ARFGEF1: variants seen among roughly 807,000 people sequenced by gnomAD.
ARFGEF1 encodes the protein ARF guanine nucleotide exchange factor 1, also known as brefeldin A-inhibited guanine nucleotide-exchange protein 1.
In ARFGEF1, 42 loss-of-function variants were observed where a neutral mutation model predicts 231.0. The ratio of observed to expected loss-of-function variants is 0.18; its 90% CI spans 0.14 to 0.24. The LOEUF (loss-of-function observed/expected upper bound fraction) is 0.24, where lower values mean the gene tolerates loss of function less well. Among genes scored for constraint, ARFGEF1 ranks in the 10% least tolerant of loss-of-function variants. ARFGEF1 has a pLI of 1.00. For missense variants in ARFGEF1, 1,345 were observed against 2,192.0 expected, an observed-to-expected ratio of 0.61 and a Z score of 7.72; for synonymous variants, 710 against 732.3, an observed-to-expected ratio of 0.97 and a Z score of 0.49.
chr8:67,295,393 A>G (rs186110364), intron 5 of ARFGEF1, among the ~76,000 whole-genome samples: 128 of 152,318 alleles, frequency 8.4e-4, no homozygotes, highest in Middle Eastern at 6.8e-3. Context: ...ATCAAGGTTA[A>G]CATCACCAAC....
intron 1 of ARFGEF1, among the ~76,000 whole-genome samples, chr8:67,329,290 C>T (rs912437099): frequency 7.3e-5 from 11 of 151,560 alleles, no homozygotes; most frequent in South Asian, 4.2e-4. Context: ...CAGTGGCTCA[C>T]GCCTGTAATC....
At chr8:67,193,880 A>C (rs987379639), downstream of ARFGEF1, among the ~76,000 whole-genome samples, 2 of 152,278 alleles carry the variant, frequency 1.3e-5, no homozygotes, top group East Asian at 3.8e-4. Flanking sequence ...GCTTTCAGCA[A>C]AGAAAATGCT....
At chr8:67,310,193 A>G (rs1442184481) in intron 1 of ARFGEF1, among the ~76,000 whole-genome samples, 1 of 151,920 alleles carries the variant, frequency 6.6e-6, no homozygotes, top group Non-Finnish European at 1.5e-5. Context: ...ATCTCGGCTC[A>G]CTGCAACCTC....
intron 1 of ARFGEF1, among the ~76,000 whole-genome samples, chr8:67,312,097 C>T (rs1807096021): frequency 1.3e-5 from 2 of 152,058 alleles, no homozygotes; most frequent in African/African-American, 2.4e-5. Flanking sequence ...GACACAAACA[C>T]TGCGGAAGGC....
chr8:67,283,146 T>C (rs1043393311), intron 7 of ARFGEF1, among the ~76,000 whole-genome samples: 1 of 152,068 alleles, frequency 6.6e-6, no homozygotes, highest in Non-Finnish European at 1.5e-5. Flanking sequence ...CAAATGCAAA[T>C]TAAAACAATA....
intron 14 of ARFGEF1, among the ~76,000 whole-genome samples, chr8:67,264,612 CAA>C (rs945722529): frequency 1.1e-4 from 17 of 152,046 alleles, no homozygotes; most frequent in African/African-American, 4.1e-4. Context: ...ACGGCATAGT[CAA>C]AAAGGTAGGA....
chr8:67,227,778 C>A (rs541848460), intron 25 of ARFGEF1, among the ~76,000 whole-genome samples, 180 bp from the exon 26 acceptor site: 17 of 151,984 alleles, frequency 1.1e-4, no homozygotes, highest in African/African-American at 3.6e-4. Flanking sequence ...TATTTTAAAT[C>A]AAATTCTTAA....
chr8:67,272,588 TC>T (rs1805142149), intron 9 of ARFGEF1, among the ~76,000 whole-genome samples: 1 of 152,192 alleles, frequency 6.6e-6, no homozygotes, highest in Non-Finnish European at 1.5e-5. Context: ...CAACCATACT[TC>T]TTACAAATCA....
At chr8:67,209,137 A>G (rs1408132023) in intron 34 of ARFGEF1, among the ~76,000 whole-genome samples, 4 of 152,252 alleles carry the variant, frequency 2.6e-5, no homozygotes, top group African/African-American at 9.6e-5. Context: ...ATATTTGTAC[A>G]CAACAGTTTG....
intron 6 of ARFGEF1, among the ~76,000 whole-genome samples, chr8:67,290,043 T>C (rs1245710033): frequency 1.3e-5 from 2 of 152,234 alleles, no homozygotes; most frequent in African/African-American, 4.8e-5. Context: ...TTAACTATTA[T>C]GTCCAAAGTC....
chr8:67,284,152 G>A (rs1001054785), intron 7 of ARFGEF1, among the ~76,000 whole-genome samples: 1 of 152,120 alleles, frequency 6.6e-6, no homozygotes, highest in East Asian at 1.9e-4. Flanking sequence ...AAAACCATGA[G>A]AGAAAAGAAG....
At chr8:67,220,757 C>T (rs1839122489) in intron 29 of ARFGEF1, among the ~76,000 whole-genome samples, 3 of 152,204 alleles carry the variant, frequency 2.0e-5, no homozygotes, top group Non-Finnish European at 1.5e-5. Flanking sequence ...TTCCCTTCCA[C>T]TCCAAGTAAC....
chr8:67,296,457 T>C lies in ARFGEF1; in HGVS notation c.613A>G (p.Ile205Val), dbSNP rs753467284. 1 of 1,614,010 alleles carries C rather than the reference T, an allele frequency of 6.2e-7. No individual in the cohort carries two copies. The highest frequency in any genetic ancestry group is 8.5e-7 in the Non-Finnish European group (1 of 1,179,932). ...KATLTQMLNV[I>V]FARMENQALQ... ...GCTTGGTTTTCCATGCGTGCAAAGA[T>C]AACATTTAGCATCTGAGTGAGAGTA... Residue 205 changes from isoleucine (I) to valine (V), a missense_variant, in exon 5 of 39, where the codon ATC becomes GTC. By Grantham distance (29) the Ile-to-Val change is conservative (BLOSUM62 3). Around this residue, in one of 14 missense-constraint regions of ARFGEF1, gnomAD observed 398 missense variants for 463.2 expected, o/e 0.86. Transcript: ENST00000262215.
chr8:67,244,328 T>C (rs2128881098), intron 19 of ARFGEF1, among the ~76,000 whole-genome samples: 1 of 146,068 alleles, frequency 6.8e-6, no homozygotes, highest in East Asian at 2.0e-4. Flanking sequence ...TTTTTTTTTT[T>C]TTTTTGAGGA....
intron 22 of ARFGEF1, among the ~76,000 whole-genome samples, chr8:67,237,003 T>C (rs1015275850): frequency 5.3e-5 from 8 of 152,212 alleles, no homozygotes; most frequent in African/African-American, 1.7e-4. Flanking sequence ...TTATTTTTAG[T>C]GTAACCTAAT....
intron 1 of ARFGEF1, among the ~76,000 whole-genome samples, chr8:67,319,064 G>T (rs1250537693): frequency 6.6e-6 from 1 of 152,058 alleles, no homozygotes; most frequent in African/African-American, 2.4e-5. Flanking sequence ...TATACTGAAA[G>T]AAATGCTGAT....
chr8:67,342,634 C>T (rs188269319), intron 1 of ARFGEF1, among the ~76,000 whole-genome samples: 250 of 152,030 alleles, frequency 1.6e-3, no homozygotes, highest in African/African-American at 5.7e-3. Context: ...GATGTCAGAA[C>T]GGGCTGCACC....
chr8:67,305,797 G>T (rs565452682), intron 1 of ARFGEF1, among the ~76,000 whole-genome samples: 458 of 152,254 alleles, frequency 3.0e-3, no homozygotes, highest in African/African-American at 9.2e-3. Flanking sequence ...TATATTCCAA[G>T]ACCTCAGCGG....
chr8:67,283,012 G>A (rs1474965328), intron 7 of ARFGEF1, among the ~76,000 whole-genome samples: 1 of 151,622 alleles, frequency 6.6e-6, no homozygotes, highest in Non-Finnish European at 1.5e-5. Flanking sequence ...GAAAAAATAG[G>A]CAAAAGACAA....
Sources: gnomAD v4.1 joint callset for allele counts (sites outside exome capture counted in the v4.1 genomes callset) on GRCh38, gnomAD v4.1.1 for gene constraint, gnomAD v4.1.1 regional missense constraint, MANE v1.5 for transcripts, NCBI Gene and HGNC (gene_info 2026-07-23, HGNC 2026-07-21) for gene names.